CHRM3: variants seen among roughly 807,000 people sequenced by gnomAD.
CHRM3 encodes muscarinic acetylcholine receptor M3.
CHRM3 carries 11 observed loss-of-function variants against 41.8 expected under a neutral mutation model. The ratio of observed to expected loss-of-function variants is 0.26; its 90% CI spans 0.17 to 0.44. CHRM3 has a LOEUF of 0.44. CHRM3 is among the 20% of genes least tolerant of loss of function. The pLI, the probability that CHRM3 is intolerant of heterozygous loss-of-function variation, is 1.00. For synonymous variants in CHRM3, 297 were observed against 301.4 expected (o/e 0.99, Z 0.15); for missense variants, 571 against 745.4 (o/e 0.77, Z 2.72).
intron 1 of CHRM3, among the ~76,000 whole-genome samples, chr1:239,452,002 CT>C (rs1173719468): frequency 6.6e-6 from 1 of 152,098 alleles, no homozygotes; most frequent in African/African-American, 2.4e-5. Context: ...AACATTGCTG[CT>C]TAAATATACT....
chr1:239,662,931 C>CTTCT (rs1558431560), intron 4 of CHRM3, among the ~76,000 whole-genome samples: 1 of 144,064 alleles, frequency 6.9e-6, no homozygotes, highest in Non-Finnish European at 1.5e-5. Flanking sequence ...TCTTCTTCTT[C>CTTCT]TCCTCTTCTT....
intron 5 of CHRM3, among the ~76,000 whole-genome samples, chr1:239,706,075 TTA>T (rs1275492699): frequency 4.0e-5 from 6 of 149,304 alleles, no homozygotes; most frequent in Admixed American, 2.7e-4. Context: ...TAAATTTATT[TTA>T]TGTTATATTT....
Position 239,438,112 on chromosome 1 carries a change from T to G in CHRM3, c.-521+50885T>G, listed in dbSNP as rs544830838. 5.3e-5 allele frequency among the ~76,000 whole-genome samples: 8 copies of G among 152,316 alleles called. No individual in the cohort carries two copies. In the South Asian group the frequency reaches 1.7e-3, roughly 32 times the overall value. ...CTCTTTCAGCCATAACCATATGACA[T>G]TTTAAAGTATAATGAAACATGCTAA... On this transcript the variant is annotated intron_variant, in intron 1 of 6. Transcript: ENST00000676153.
chr1:239,490,437 G>T (rs1667481078), intron 1 of CHRM3, among the ~76,000 whole-genome samples: 1 of 152,170 alleles, frequency 6.6e-6, no homozygotes, highest in African/African-American at 2.4e-5. Flanking sequence ...CTGTTCACTG[G>T]TCTGTCTCTG....
At chr1:239,759,593 A>T (rs1445000621) in intron 5 of CHRM3, among the ~76,000 whole-genome samples, 1 of 152,214 alleles carries the variant, frequency 6.6e-6, no homozygotes, top group Non-Finnish European at 1.5e-5. Context: ...AAGTCTGTGT[A>T]TAAAAAAAGC....
intron 2 of CHRM3, among the ~76,000 whole-genome samples, chr1:239,505,389 G>C (rs1158575256): frequency 6.6e-6 from 1 of 152,084 alleles, no homozygotes; most frequent in Non-Finnish European, 1.5e-5. Flanking sequence ...GGAGGTAATT[G>C]AATCACTGGG....
At position 239,845,078 on chromosome 1, in the gene CHRM3, G is replaced by T. The variant is rs150896435; in HGVS notation, c.-20+17700G>T. ...CACAGATGGGCTGAATGGCATATTT[G>T]CAGATAAGAGATTGTAATCAAATCA... On this transcript the variant is annotated intron_variant, in intron 6 of 6. Coordinates refer to ENST00000676153, the MANE Select transcript of CHRM3 (RefSeq NM_001375978.1). Among the ~76,000 whole-genome samples the T allele has an allele frequency of 8.9e-3, 1,361 of 152,276 alleles. 19 individuals carry two copies. Among genetic ancestry groups the T allele is most frequent in the African/African-American group, 0.031 (1,282 of 41,538 alleles).
intron 6 of CHRM3, among the ~76,000 whole-genome samples, chr1:239,829,015 G>A (rs1188113141): frequency 6.6e-6 from 1 of 152,228 alleles, no homozygotes; most frequent in East Asian, 1.9e-4. Context: ...GTGACCTGCT[G>A]CAGCAGGTGT....
chr1:239,901,369 G>T (rs1679549989), intron 6 of CHRM3, among the ~76,000 whole-genome samples: 1 of 151,036 alleles, frequency 6.6e-6, no homozygotes, highest in African/African-American at 2.4e-5. Flanking sequence ...ATTACAGATT[G>T]AGCTGAAGTC....
At chr1:239,643,553 G>T (rs1671434668) in intron 4 of CHRM3, among the ~76,000 whole-genome samples, 1 of 152,178 alleles carries the variant, frequency 6.6e-6, no homozygotes, top group Non-Finnish European at 1.5e-5. Flanking sequence ...AGACTCCGTG[G>T]GCGTAGGACC....
rs1680526384 is a variant in CHRM3 at position 239,914,253 on chromosome 1, G to A, written c.*5029G>A. On this transcript the variant is annotated 3_prime_UTR_variant, in exon 7 of 7. Transcript: ENST00000676153. ...GTATTCTGTGAGTTCCTTGATGATA[G>A]TAATTGGGTCTTATTCATCACTCTG... 1 of 167,068 alleles carries A rather than the reference G, an allele frequency of 6.0e-6. No homozygotes were observed. Among genetic ancestry groups the A allele is most frequent in the African/African-American group, 2.4e-5 (1 of 41,446 alleles). 10.3% of individuals were successfully genotyped at this position (167,068 alleles called of 1,614,324 possible). A position where few individuals can be genotyped will look rare whatever the true frequency, so the allele number is the denominator to read the frequency against.
At chr1:239,459,420 G>C (rs1447615060) in intron 1 of CHRM3, among the ~76,000 whole-genome samples, 3 of 152,098 alleles carry the variant, frequency 2.0e-5, no homozygotes, top group Non-Finnish European at 4.4e-5. Flanking sequence ...GTCTAAAGGA[G>C]TCTTCAAAGG....
intron 2 of CHRM3, among the ~76,000 whole-genome samples, chr1:239,527,193 A>T (rs1393421991): frequency 6.6e-6 from 1 of 152,146 alleles, no homozygotes; most frequent in African/African-American, 2.4e-5. Flanking sequence ...AATTTTAACA[A>T]CCTACAAAAC....
chr1:239,611,692 T>G (rs922766006), intron 3 of CHRM3, among the ~76,000 whole-genome samples: 4 of 152,288 alleles, frequency 2.6e-5, no homozygotes, highest in Non-Finnish European at 2.9e-5. Flanking sequence ...GTGCTGGGAT[T>G]ACAGGCATGA....
At chr1:239,418,397 G>A (rs1661674091) in intron 1 of CHRM3, among the ~76,000 whole-genome samples, 1 of 152,020 alleles carries the variant, frequency 6.6e-6, no homozygotes, top group African/African-American at 2.4e-5. Context: ...GATTTCTGAG[G>A]TTCAGATCTA....
chr1:239,593,960 C>T (rs996520842), intron 3 of CHRM3, among the ~76,000 whole-genome samples: 1 of 152,128 alleles, frequency 6.6e-6, no homozygotes, highest in African/African-American at 2.4e-5. Flanking sequence ...ATATCATTAA[C>T]ATCTTTTACT....
chr1:239,515,110 C>T (rs1276121359), intron 2 of CHRM3, among the ~76,000 whole-genome samples: 2 of 151,902 alleles, frequency 1.3e-5, no homozygotes, highest in Non-Finnish European at 2.9e-5. Context: ...TTTTTTCTCT[C>T]AATATGTTTT....
At chr1:239,640,343 C>T (rs1447264453) in intron 4 of CHRM3, among the ~76,000 whole-genome samples, 1 of 152,102 alleles carries the variant, frequency 6.6e-6, no homozygotes, top group Non-Finnish European at 1.5e-5. Context: ...AGGAATGGTA[C>T]CAGTTCCTCC....
chr1:239,560,852 A>G (rs1340558872), intron 3 of CHRM3, among the ~76,000 whole-genome samples: 1 of 152,078 alleles, frequency 6.6e-6, no homozygotes, highest in East Asian at 1.9e-4. Context: ...TAACATGTCC[A>G]AAACAGAACT....
Sources: allele counts gnomAD v4.1 joint callset (sites outside exome capture counted in the v4.1 genomes callset), GRCh38; gene constraint gnomAD v4.1.1; transcripts MANE v1.5; gene names NCBI Gene and HGNC (gene_info 2026-07-23, HGNC 2026-07-21).